GLP2R: variants seen among roughly 807,000 people sequenced by gnomAD.
GLP2R encodes glucagon like peptide 2 receptor, also known as glucagon-like peptide 2 receptor.
A neutral mutation model predicts 68.2 loss-of-function variants in GLP2R; 59 were observed. The observed-to-expected ratio is 0.87, with a 90% CI of 0.70 to 1.07. The LOEUF (loss-of-function observed/expected upper bound fraction) is 1.07, where lower values mean the gene tolerates loss of function less well. GLP2R is among the 50% of genes least tolerant of loss of function. GLP2R has a pLI of 0.00. For missense variants in GLP2R, 548 were observed against 677.4 expected, an observed-to-expected ratio of 0.81 and a Z score of 2.12; for synonymous variants, 270 against 265.4, an observed-to-expected ratio of 1.02 and a Z score of -0.17.
At chr17:9,859,137 G>A (rs62066044) in intron 6 of GLP2R, among the ~76,000 whole-genome samples, 23,420 of 152,000 alleles carry the variant, frequency 0.15, 2,319 homozygotes, top group Non-Finnish European at 0.23. Flanking sequence ...GGTATTAACC[G>A]TATGTTGTAA....
intron 4 of GLP2R, among the ~76,000 whole-genome samples, chr17:9,852,091 A>C (rs926642639): frequency 4.7e-5 from 7 of 149,810 alleles, no homozygotes; most frequent in Non-Finnish European, 1.0e-4. Flanking sequence ...TCTGGGATAC[A>C]TGTGCAGAAC....
chr17:9,868,933 G>A (rs2067066138), intron 9 of GLP2R, among the ~76,000 whole-genome samples: 1 of 152,174 alleles, frequency 6.6e-6, no homozygotes, highest in African/African-American at 2.4e-5. Context: ...TCTTTATGAT[G>A]AGAGGCAGAT....
chr17:9,828,200 C>T (rs939982966), intron 1 of GLP2R, among the ~76,000 whole-genome samples: 1 of 152,146 alleles, frequency 6.6e-6, no homozygotes, highest in Non-Finnish European at 1.5e-5. Flanking sequence ...GCCTTCAGGC[C>T]CTCATGGATT....
chr17:9,887,156 T>G (rs2067250297), intron 11 of GLP2R, among the ~76,000 whole-genome samples: 1 of 151,542 alleles, frequency 6.6e-6, no homozygotes, highest in Non-Finnish European at 1.5e-5. Flanking sequence ...GGGAACCACA[T>G]GACTGACAGC....
chr17:9,881,378 CTTTTTTT>C lies in GLP2R; in HGVS notation c.1284+876_1284+882del, dbSNP rs35526930. Among the ~76,000 whole-genome samples, 5 of 95,644 alleles carry C rather than the reference CTTTTTTT, an allele frequency of 5.2e-5. 1 individual carries two copies. Among genetic ancestry groups the C allele is most frequent in the African/African-American group, 1.0e-4 (2 of 20,074 alleles). 62.7% of individuals were successfully genotyped at this position (95,644 alleles called of 152,430 possible). On this transcript the variant is annotated intron_variant, in intron 11 of 12. Coordinates refer to ENST00000262441, the MANE Select transcript of GLP2R (RefSeq NM_004246.3). ...AGTATAAAAGCAGGAGCTGTCAGGC[CTTTTTTT>C]TTTTTTTTTTTTTGAGACGGAGTCT...
intron 3 of GLP2R, among the ~76,000 whole-genome samples, chr17:9,839,204 G>C (rs2066761258): frequency 6.6e-6 from 1 of 152,166 alleles, no homozygotes; most frequent in African/African-American, 2.4e-5. Context: ...CCAAGGAGGA[G>C]AGTGGGGAAA....
intron 3 of GLP2R, among the ~76,000 whole-genome samples, chr17:9,837,006 C>G (rs1053216660): frequency 6.6e-6 from 1 of 152,012 alleles, no homozygotes; most frequent in African/African-American, 2.4e-5. Context: ...CCCACCCCCA[C>G]CACACTCGGC....
chr17:9,889,911 T>G lies in GLP2R; in HGVS notation c.*206T>G. ...TGCTCACAGCCTCTGCCTGCTCTTCTCATCCTAATAACCCCCACCAGTGTG... is the reference window on the plus strand; with the variant it reads ...TGCTCACAGCCTCTGCCTGCTCTTCGCATCCTAATAACCCCCACCAGTGTG... On this transcript the variant is annotated 3_prime_UTR_variant, in exon 13 of 13. Transcript: ENST00000262441. 1.6e-6 allele frequency: 1 copy of G among 644,220 alleles called. No homozygotes were observed. The highest frequency in any genetic ancestry group is 1.6e-5 in the South Asian group (1 of 64,148). 39.9% of individuals were successfully genotyped at this position (644,220 alleles called of 1,614,324 possible).
At chr17:9,863,904 C>T (rs563268094) in intron 9 of GLP2R, among the ~76,000 whole-genome samples, 68 of 152,312 alleles carry the variant, frequency 4.5e-4, no homozygotes, top group African/African-American at 1.5e-3. Flanking sequence ...TAAACATATT[C>T]AGTGCACACT....
At chr17:9,878,692 G>A (rs76194458) in intron 10 of GLP2R, among the ~76,000 whole-genome samples, 3,683 of 152,190 alleles carry the variant, frequency 0.024, 108 homozygotes, top group East Asian at 0.11. Flanking sequence ...CCCTCTTCTT[G>A]GCTTTAGATC....
intron 1 of GLP2R, among the ~76,000 whole-genome samples, chr17:9,833,271 A>AAAG (rs1555568754): frequency 1.3e-5 from 2 of 151,766 alleles, no homozygotes. Flanking sequence ...TTAAAAAAAA[A>AAAG]AAAGAAAGAA....
rs547846428 is a variant in GLP2R, at chr17:9,850,987, G to A, written c.505-3508G>A. 2.0e-5 allele frequency among the ~76,000 whole-genome samples: 3 copies of A among 152,098 alleles called. No homozygotes were observed. The East Asian group carries it at 5.8e-4, about 29-fold the overall frequency. ...GGATTACAGGCTTGTGAAGCACCATGCCCAGCTGATTTTTTTTTCACTTTC... is the reference window on the plus strand; with the variant it reads ...GGATTACAGGCTTGTGAAGCACCATACCCAGCTGATTTTTTTTTCACTTTC... On this transcript the variant is annotated intron_variant, in intron 4 of 12. Coordinates refer to ENST00000262441, the MANE Select transcript of GLP2R (RefSeq NM_004246.3).
chr17:9,866,856 A>G (rs2067042672), intron 9 of GLP2R: 1 of 152,242 alleles, frequency 6.6e-6, no homozygotes, highest in African/African-American at 2.4e-5. Flanking sequence ...CAACTCTAAA[A>G]GAGAATTCCT....
chr17:9,857,300 G>A (rs2066942670), intron 5 of GLP2R, 123 bp from the exon 6 acceptor site: 1 of 805,196 alleles, frequency 1.2e-6, no homozygotes, highest in Admixed American at 2.5e-5. Flanking sequence ...CAGCAGTCCA[G>A]CTCTGCAGCC....
intron 1 of GLP2R, among the ~76,000 whole-genome samples, chr17:9,827,944 G>A (rs1443603052): frequency 7.0e-6 from 1 of 142,828 alleles, no homozygotes; most frequent in Admixed American, 7.0e-5. Flanking sequence ...CTGGGCAGTA[G>A]AGTGAGGATC....
At chr17:9,847,176 A>G (rs905560895) in intron 4 of GLP2R, among the ~76,000 whole-genome samples, 1 of 152,250 alleles carries the variant, frequency 6.6e-6, no homozygotes, top group Non-Finnish European at 1.5e-5. Flanking sequence ...GAACACAGAC[A>G]TGTAGAAATG....
intron 3 of GLP2R, 65 bp downstream of exon 3, chr17:9,836,540 C>T: frequency 1.2e-6 from 1 of 865,258 alleles, no homozygotes; most frequent in East Asian, 2.4e-5. Flanking sequence ...TCTTCCCCCA[C>T]AAACAGTCCC....
At chr17:9,836,132 G>A (rs7220392) in intron 2 of GLP2R, among the ~76,000 whole-genome samples, 11,087 of 152,144 alleles carry the variant, frequency 0.073, 1,109 homozygotes, top group African/African-American at 0.22. Context: ...GTAATTGACC[G>A]GAGGTCAAGT....
intron 10 of GLP2R, among the ~76,000 whole-genome samples, chr17:9,872,762 G>T (rs2067106832): frequency 6.6e-6 from 1 of 152,128 alleles, no homozygotes; most frequent in Admixed American, 6.5e-5. Flanking sequence ...CCTGCTTTCT[G>T]GTGTGTAAAA....
Sources: gnomAD v4.1 joint callset for allele counts (sites outside exome capture counted in the v4.1 genomes callset) on GRCh38, gnomAD v4.1.1 for gene constraint, MANE v1.5 for transcripts, NCBI Gene and HGNC (gene_info 2026-07-23, HGNC 2026-07-21) for gene names.